UBA3: variants seen among roughly 807,000 people sequenced by gnomAD.
UBA3 encodes ubiquitin like modifier activating enzyme 3.
UBA3 carries 26 observed loss-of-function variants against 73.5 expected under a neutral mutation model. That is an observed-to-expected ratio of 0.35 (90% confidence interval 0.26 to 0.49). The LOEUF is 0.49. Among genes scored for constraint, UBA3 ranks in the 20% least tolerant of loss-of-function variants. The pLI, the probability that UBA3 is intolerant of heterozygous loss-of-function variation, is 0.98. For synonymous variants in UBA3, 217 were observed against 191.2 expected, an observed-to-expected ratio of 1.13 and a Z score of -1.11; for missense variants, 495 against 555.6, an observed-to-expected ratio of 0.89 and a Z score of 1.10.
intron 6 of UBA3, among the ~76,000 whole-genome samples, chr3:69,064,512 G>C (rs769224681): frequency 1.8e-4 from 28 of 152,166 alleles, no homozygotes; most frequent in Non-Finnish European, 3.1e-4. Flanking sequence ...TTCCTATTTT[G>C]CTAGGTGATT....
intron 6 of UBA3, among the ~76,000 whole-genome samples, chr3:69,064,880 C>A (rs1487812873): frequency 6.6e-6 from 1 of 151,892 alleles, no homozygotes; most frequent in Non-Finnish European, 1.5e-5. Flanking sequence ...GATAAATAGT[C>A]CACTATAAAT....
intron 4 of UBA3, among the ~76,000 whole-genome samples, chr3:69,073,159 T>C (rs1466713724): frequency 6.6e-6 from 1 of 152,202 alleles, no homozygotes; most frequent in Non-Finnish European, 1.5e-5. Context: ...ATCTCTCCAA[T>C]GACTTCATGA....
Position 69,077,848 on chromosome 3 carries a change from G to A in UBA3, c.133C>T (p.Leu45Phe). The change falls in exon 3 of 18, where the codon CTC becomes TTC. Residue 45 changes from leucine to phenylalanine, a missense_variant. Physicochemically the swap from Leu to Phe is conservative, Grantham distance 22. Coordinates refer to ENST00000361055, the MANE Select transcript of UBA3 (RefSeq NM_003968.4). ...EGRWNHVKKF[L>F]ERSGPFTHPD... is the part of the protein sequence containing the mutation. ...TGTGTGAAGGGTCCAGATCGCTCGA[G>A]GAACTTCTTTACATGGTTCCAGCGA... 6.2e-7 allele frequency: 1 copy of A among 1,614,110 alleles called. No homozygotes were observed. The highest frequency in any genetic ancestry group is 2.2e-5 in the East Asian group (1 of 44,874).
At chr3:69,071,353 C>T in intron 5 of UBA3, 182 bp downstream of exon 5, 1 of 491,208 alleles carries the variant, frequency 2.0e-6, no homozygotes, top group Non-Finnish European at 3.6e-6. Flanking sequence ...ACTACTATCA[C>T]CAAGATGCCC....
At chr3:69,067,650 T>A (rs548203893) in intron 6 of UBA3, among the ~76,000 whole-genome samples, 9 of 152,230 alleles carry the variant, frequency 5.9e-5, no homozygotes, top group Admixed American at 5.9e-4. Context: ...ATGTAATTGA[T>A]ACTGAAATTA....
chr3:69,068,533 G>T (rs1372051718), intron 5 of UBA3, among the ~76,000 whole-genome samples: 4 of 140,792 alleles, frequency 2.8e-5, no homozygotes, highest in Non-Finnish European at 6.1e-5. Flanking sequence ...TCACTGGACC[G>T]TATATAAAAT....
intron 3 of UBA3, chr3:69,076,647 A>C (rs1275654315): frequency 2.0e-5 from 3 of 152,064 alleles, no homozygotes; most frequent in Non-Finnish European, 2.9e-5. Flanking sequence ...AGCTCCCTGC[A>C]GCCTCCACCT....
chr3:69,068,006 G>A lies in UBA3; in HGVS notation c.350C>T (p.Pro117Leu). 1 of 1,561,110 alleles carries A rather than the reference G, an allele frequency of 6.4e-7. No individual in the cohort carries two copies. Among genetic ancestry groups the A allele is most frequent in the East Asian group, 2.3e-5 (1 of 43,442 alleles). ...SNLNRQFLFR[P>L]KDIGRPKAEV... ...AGCCTTAGGTCTTCCAATATCTTTA[G>A]GCCTACAGGAAAAATATTTAAATTA... The change falls in exon 6 of 18, where the codon CCT becomes CTT. Residue 117 changes from proline (P) to leucine (L), a missense_variant and splice_region_variant. Physicochemically the swap from Pro to Leu is moderately conservative, Grantham distance 98. Coordinates refer to ENST00000361055, the MANE Select transcript of UBA3 (RefSeq NM_003968.4).
At chr3:69,072,204 T>G (rs762331329) in intron 4 of UBA3, among the ~76,000 whole-genome samples, 1 of 152,202 alleles carries the variant, frequency 6.6e-6, no homozygotes. Context: ...AATAATGCCA[T>G]GCATTCTGAA....
chr3:69,079,846 A>G (rs2092202504), intron 2 of UBA3: 1 of 479,864 alleles, frequency 2.1e-6, no homozygotes, highest in Non-Finnish European at 3.6e-6. Context: ...TCCTTCCTCA[A>G]GACCTTTACG....
At chr3:69,078,351 C>A (rs558884450) in intron 2 of UBA3, among the ~76,000 whole-genome samples, 2 of 152,220 alleles carry the variant, frequency 1.3e-5, no homozygotes, top group Non-Finnish European at 2.9e-5. Context: ...TTTCAGAATT[C>A]TGATGCTTAT....
rs769562551 is a variant in UBA3 at position 69,062,966 on chromosome 3, G to A, written c.693+16C>T. ...CCAAGATACTATAAAAGAAATGCAGGTGCTTTTTTGATTACCTGTGGTGGA... is the reference window on the plus strand; with the variant it reads ...CCAAGATACTATAAAAGAAATGCAGATGCTTTTTTGATTACCTGTGGTGGA... On this transcript the variant is annotated intron_variant, in intron 9 of 17. Coordinates refer to ENST00000361055, the MANE Select transcript of UBA3 (RefSeq NM_003968.4). The A allele has an allele frequency of 3.7e-6, 6 of 1,612,586 alleles. No homozygotes were observed. Among genetic ancestry groups the A allele is most frequent in the South Asian group, 1.1e-5 (1 of 90,806 alleles).
At chr3:69,071,640 A>G (rs2092123005) in intron 4 of UBA3, 23 bp from the exon 5 acceptor site, 2 of 1,431,456 alleles carry the variant, frequency 1.4e-6, no homozygotes, top group Admixed American at 2.6e-5. Flanking sequence ...AAACAATCCA[A>G]TTAAGCAGAA....
intron 5 of UBA3, among the ~76,000 whole-genome samples, chr3:69,070,219 A>G (rs1302632867): frequency 6.6e-6 from 1 of 152,376 alleles, no homozygotes; most frequent in East Asian, 1.9e-4. Context: ...CAGAGCCCAC[A>G]AACTTTGCTA....
intron 17 of UBA3, 114 bp from the exon 18 acceptor site, chr3:69,055,639 C>T (rs2091966393): frequency 1.1e-6 from 1 of 909,766 alleles, no homozygotes; most frequent in Non-Finnish European, 1.7e-6. Context: ...AAATCCAATC[C>T]TCTTTAATCA....
At chr3:69,063,881 G>A (rs573261829) in intron 7 of UBA3, among the ~76,000 whole-genome samples, 187 bp downstream of exon 7, 5 of 152,306 alleles carry the variant, frequency 3.3e-5, no homozygotes, top group African/African-American at 1.2e-4. Flanking sequence ...ATAGAAACTT[G>A]TAGCTGGTCA....
chr3:69,061,539 C>T (rs889876151), intron 11 of UBA3: 8 of 282,090 alleles, frequency 2.8e-5, no homozygotes, highest in African/African-American at 1.5e-4. Context: ...GTCTAACAGT[C>T]CTGTCCAAAT....
intron 6 of UBA3, among the ~76,000 whole-genome samples, chr3:69,067,491 T>C (rs2092083404): frequency 6.6e-6 from 1 of 152,194 alleles, no homozygotes; most frequent in Non-Finnish European, 1.5e-5. Context: ...ATACTCCTTT[T>C]TAAAAACATA....
At chr3:69,078,669 C>T (rs1034526826) in intron 2 of UBA3, among the ~76,000 whole-genome samples, 7 of 152,016 alleles carry the variant, frequency 4.6e-5, no homozygotes, top group African/African-American at 1.7e-4. Context: ...AGACGGGTTT[C>T]GCCATGTTGC....
Sources: allele counts gnomAD v4.1 joint callset (sites outside exome capture counted in the v4.1 genomes callset), GRCh38; gene constraint gnomAD v4.1.1; transcripts MANE v1.5; gene names NCBI Gene and HGNC (gene_info 2026-07-23, HGNC 2026-07-21).